The following WWOX variants were observed in gnomAD, a reference collection of about 807,000 sequenced individuals.
WWOX encodes WW domain-containing oxidoreductase.
In WWOX, 69 loss-of-function variants were observed where a neutral mutation model predicts 46.2. The ratio of observed to expected loss-of-function variants is 1.49; its 90% CI spans 1.23 to 1.82. The LOEUF is 1.82. WWOX is among the 40% of genes most tolerant of loss of function. WWOX has a pLI of 0.00. For synonymous variants in WWOX, 359 were observed against 202.6 expected, an observed-to-expected ratio of 1.77 and a Z score of -6.56; for missense variants, 919 against 542.6, an observed-to-expected ratio of 1.69 and a Z score of -6.89.
chr16:78,447,381 C>A (rs1038977669), intron 8 of WWOX, among the ~76,000 whole-genome samples: 2 of 152,170 alleles, frequency 1.3e-5, no homozygotes, highest in South Asian at 4.1e-4. Flanking sequence ...ATTTCTACAT[C>A]CTGCAGAAGT....
intron 8 of WWOX, among the ~76,000 whole-genome samples, chr16:78,565,173 C>CT (rs2044535223): frequency 6.6e-6 from 1 of 152,226 alleles, no homozygotes; most frequent in African/African-American, 2.4e-5. Flanking sequence ...AGTTTGAAGT[C>CT]TAACTCCATC....
chr16:78,925,431 A>G lies in WWOX; in HGVS notation c.1057-286177A>G, dbSNP rs116918782. On this transcript the variant is annotated intron_variant, in intron 8 of 8. Coordinates refer to ENST00000566780, the MANE Select transcript of WWOX (RefSeq NM_016373.4). ...AAATATGTCCACGAAGTTCCATGGAATAATTACCTTCCTTGGTGTTAAAAA... is the reference window on the plus strand; with the variant it reads ...AAATATGTCCACGAAGTTCCATGGAGTAATTACCTTCCTTGGTGTTAAAAA... 7.0e-3 allele frequency among the ~76,000 whole-genome samples: 1,060 copies of G among 152,290 alleles called. 5 individuals are homozygous for G. The highest frequency in any genetic ancestry group is 8.9e-3 in the Non-Finnish European group (604 of 68,034).
chr16:78,737,681 A>G (rs967601891), intron 8 of WWOX, among the ~76,000 whole-genome samples: 2 of 152,142 alleles, frequency 1.3e-5, no homozygotes, highest in South Asian at 4.2e-4. Context: ...GGTTATATTA[A>G]AAGAGGAAAA....
intron 8 of WWOX, among the ~76,000 whole-genome samples, chr16:79,068,021 C>T (rs1052844334): frequency 6.6e-6 from 1 of 152,150 alleles, no homozygotes; most frequent in Non-Finnish European, 1.5e-5. Context: ...ATTGATCTTC[C>T]TGCCTTTGCC....
intron 6 of WWOX, among the ~76,000 whole-genome samples, chr16:78,393,872 G>T (rs1469648978): frequency 1.3e-5 from 2 of 151,526 alleles, no homozygotes; most frequent in African/African-American, 2.4e-5. Flanking sequence ...TTAAAATAAC[G>T]GTTTTGTATC....
chr16:78,120,150 C>T (rs941059035), intron 4 of WWOX, among the ~76,000 whole-genome samples: 4 of 152,068 alleles, frequency 2.6e-5, no homozygotes, highest in Non-Finnish European at 5.9e-5. Flanking sequence ...ACCTCTCTAA[C>T]GTGTATTACA....
intron 8 of WWOX, among the ~76,000 whole-genome samples, chr16:78,806,217 T>G (rs992966569): frequency 6.6e-5 from 10 of 152,200 alleles, no homozygotes; most frequent in Admixed American, 3.3e-4. Context: ...ACCTTGAACT[T>G]TTTCCTCTCA....
intron 8 of WWOX, among the ~76,000 whole-genome samples, chr16:78,527,878 C>T (rs2043515400): frequency 6.6e-6 from 1 of 151,682 alleles, no homozygotes; most frequent in Non-Finnish European, 1.5e-5. Context: ...GCTAAGGATC[C>T]TGCAGTGCAA....
chr16:78,993,693 G>A (rs1020052480), intron 8 of WWOX, among the ~76,000 whole-genome samples: 1 of 152,186 alleles, frequency 6.6e-6, no homozygotes, highest in African/African-American at 2.4e-5. Context: ...GCCACGGGGG[G>A]ACAGGAAACA....
intron 8 of WWOX, among the ~76,000 whole-genome samples, chr16:78,545,598 A>G (rs909001788): frequency 6.6e-6 from 1 of 152,222 alleles, no homozygotes; most frequent in Non-Finnish European, 1.5e-5. Context: ...ATGCCCAGGA[A>G]TAGTCATGGT....
chr16:79,140,615 C>G (rs372481739), intron 8 of WWOX, among the ~76,000 whole-genome samples: 3 of 152,208 alleles, frequency 2.0e-5, no homozygotes, highest in African/African-American at 7.2e-5. Context: ...GGCAGGCAAG[C>G]CACCAGGTGG....
intron 8 of WWOX, among the ~76,000 whole-genome samples, chr16:78,541,777 G>C (rs1024970882): frequency 3.9e-5 from 6 of 151,948 alleles, no homozygotes; most frequent in African/African-American, 9.7e-5. Context: ...CAATGGGTTA[G>C]GCACAGACCT....
At chr16:78,167,892 G>T (rs1431477054) in intron 5 of WWOX, 1 of 152,078 alleles carries the variant, frequency 6.6e-6, no homozygotes, top group Non-Finnish European at 1.5e-5. Context: ...CTCTGCGCAA[G>T]GATTTCATCT....
chr16:78,856,778 C>T (rs988338288), intron 8 of WWOX, among the ~76,000 whole-genome samples: 1 of 152,154 alleles, frequency 6.6e-6, no homozygotes, highest in Admixed American at 6.5e-5. Context: ...TATTCACGAA[C>T]ATACACATTT....
At chr16:78,902,172 A>T (rs2151243289) in intron 8 of WWOX, among the ~76,000 whole-genome samples, 1 of 152,326 alleles carries the variant, frequency 6.6e-6, no homozygotes, top group Non-Finnish European at 1.5e-5. Flanking sequence ...AGAATCGGGC[A>T]GCCTGCAGCT....
intron 4 of WWOX, among the ~76,000 whole-genome samples, chr16:78,117,176 C>G (rs1168760112): frequency 6.6e-6 from 1 of 152,180 alleles, no homozygotes; most frequent in Non-Finnish European, 1.5e-5. Flanking sequence ...AAGACTCTTC[C>G]TTCCTGATAC....
chr16:78,308,281 C>A (rs886336782), intron 5 of WWOX, among the ~76,000 whole-genome samples: 1 of 152,124 alleles, frequency 6.6e-6, no homozygotes, highest in Admixed American at 6.5e-5. Flanking sequence ...GCTCCCCAAG[C>A]AACTGAATGG....
At chr16:78,529,222 C>T (rs1048061850) in intron 8 of WWOX, among the ~76,000 whole-genome samples, 11 of 151,884 alleles carry the variant, frequency 7.2e-5, no homozygotes, top group Admixed American at 1.3e-4. Flanking sequence ...CCCAAAATGC[C>T]GAGATTATGG....
intron 8 of WWOX, among the ~76,000 whole-genome samples, chr16:79,160,834 A>G (rs951058619): frequency 3.3e-5 from 5 of 152,214 alleles, no homozygotes; most frequent in African/African-American, 1.2e-4. Flanking sequence ...AGACATGTAT[A>G]GATGCATGTG....
Sources: gnomAD v4.1 joint callset for allele counts (sites outside exome capture counted in the v4.1 genomes callset) on GRCh38, gnomAD v4.1.1 for gene constraint, MANE v1.5 for transcripts, NCBI Gene and HGNC (gene_info 2026-07-23, HGNC 2026-07-21) for gene names.